Variants in PALS2 observed in about 807,000 individuals in gnomAD.
The protein encoded by PALS2 is protein PALS2.
In PALS2, 27 loss-of-function variants were observed where a neutral mutation model predicts 61.6. The ratio of observed to expected loss-of-function variants is 0.44; its 90% CI spans 0.32 to 0.60. PALS2 has a LOEUF of 0.60. Among genes scored for constraint, PALS2 ranks in the 20% least tolerant of loss-of-function variants. The pLI, the probability that PALS2 is intolerant of heterozygous loss-of-function variation, is 0.05. For synonymous variants in PALS2, 236 were observed against 218.6 expected, an observed-to-expected ratio of 1.08 and a Z score of -0.70; for missense variants, 554 against 639.4, an observed-to-expected ratio of 0.87 and a Z score of 1.44.
At chr7:24,601,367 G>A (rs546971074) in intron 1 of PALS2, among the ~76,000 whole-genome samples, 4 of 151,954 alleles carry the variant, frequency 2.6e-5, no homozygotes, top group East Asian at 1.9e-4. Flanking sequence ...ATTCAACCCC[G>A]AAATCTGTGC....
chr7:24,613,665 G>T (rs1784192060), intron 1 of PALS2, among the ~76,000 whole-genome samples: 1 of 151,710 alleles, frequency 6.6e-6, no homozygotes, highest in Non-Finnish European at 1.5e-5. Flanking sequence ...ACCTTATGGT[G>T]CTATAAAACA....
intron 11 of PALS2, among the ~76,000 whole-genome samples, chr7:24,680,753 G>C (rs982272530): frequency 5.9e-5 from 9 of 152,176 alleles, no homozygotes; most frequent in African/African-American, 2.2e-4. Flanking sequence ...GCGCTACCAG[G>C]CCTGGCTAAT....
chr7:24,655,289 A>G (rs1338602905), intron 5 of PALS2, among the ~76,000 whole-genome samples: 3 of 152,228 alleles, frequency 2.0e-5, no homozygotes, highest in Non-Finnish European at 4.4e-5. Context: ...AAAAGATTAC[A>G]TGCATATAGC....
At chr7:24,671,271 G>A (rs759458795) in intron 9 of PALS2, among the ~76,000 whole-genome samples, 3 of 152,094 alleles carry the variant, frequency 2.0e-5, no homozygotes, top group Admixed American at 6.6e-5. Context: ...TTTCCCTAAT[G>A]TCTGATCATG....
At chr7:24,626,131 A>T (rs1296713591) in intron 2 of PALS2, among the ~76,000 whole-genome samples, 5 of 152,204 alleles carry the variant, frequency 3.3e-5, no homozygotes, top group Non-Finnish European at 4.4e-5. Flanking sequence ...AGGGAAAAAA[A>T]CATGTAAAAT....
At chr7:24,639,328 C>CA (rs1408516967) in intron 2 of PALS2, among the ~76,000 whole-genome samples, 1 of 152,124 alleles carries the variant, frequency 6.6e-6, no homozygotes, top group Non-Finnish European at 1.5e-5. Flanking sequence ...AATGTGAACT[C>CA]ACGCAAATCA....
intron 3 of PALS2, among the ~76,000 whole-genome samples, chr7:24,642,357 T>C (rs1785601261): frequency 6.6e-6 from 1 of 152,180 alleles, no homozygotes; most frequent in Admixed American, 6.5e-5. Flanking sequence ...AGCAATGGCC[T>C]GTACCAATGA....
intron 1 of PALS2, among the ~76,000 whole-genome samples, chr7:24,605,950 A>G (rs1783883774): frequency 6.6e-6 from 1 of 152,162 alleles, no homozygotes; most frequent in South Asian, 2.1e-4. Flanking sequence ...TAGGTGAAAC[A>G]TGCTTGGCAT....
chr7:24,623,135 T>A (rs1013725256), intron 1 of PALS2, among the ~76,000 whole-genome samples: 11 of 152,010 alleles, frequency 7.2e-5, no homozygotes, highest in Admixed American at 7.2e-4. Flanking sequence ...TGTGTGATGT[T>A]GTTGGGTTTA....
chr7:24,599,196 G>A (rs186387510), intron 1 of PALS2, among the ~76,000 whole-genome samples: 3 of 152,204 alleles, frequency 2.0e-5, no homozygotes, highest in African/African-American at 7.2e-5. Context: ...TTGGCCTATT[G>A]TTCCTAGGCT....
intron 1 of PALS2, among the ~76,000 whole-genome samples, chr7:24,604,850 CAAA>C (rs781205158): frequency 6.6e-6 from 1 of 152,182 alleles, no homozygotes; most frequent in Non-Finnish European, 1.5e-5. Flanking sequence ...GGGAGGGACA[CAAA>C]CGCCTAGGCC....
chr7:24,676,369 C>T (rs917153119), intron 9 of PALS2, among the ~76,000 whole-genome samples: 1 of 151,336 alleles, frequency 6.6e-6, no homozygotes, highest in Non-Finnish European at 1.5e-5. Flanking sequence ...TGCAGAAGCT[C>T]TTTAGTTTAA....
At chr7:24,680,558 C>G (rs1206330910) in intron 11 of PALS2, 38 bp downstream of exon 11, 1 of 1,587,754 alleles carries the variant, frequency 6.3e-7, no homozygotes, top group Admixed American at 1.8e-5. Context: ...AAAATCTTTC[C>G]TTTTCTTTTG....
At chr7:24,609,652 C>T (rs1302107292) in intron 1 of PALS2, among the ~76,000 whole-genome samples, 3 of 152,074 alleles carry the variant, frequency 2.0e-5, no homozygotes, top group East Asian at 1.9e-4. Context: ...TCCTCCATCC[C>T]TCCTCCTCTA....
At position 24,689,946 on chromosome 7, in the gene PALS2, A is replaced by AT. The variant is rs983373493; in HGVS notation, c.*2335dup. 2 of 152,246 alleles carry AT rather than the reference A, an allele frequency of 1.3e-5. No individual in the cohort carries two copies. The highest frequency in any genetic ancestry group is 4.8e-5 in the African/African-American group (2 of 41,454). 9.4% of individuals were successfully genotyped at this position (152,246 alleles called of 1,614,324 possible). A position where few individuals can be genotyped will look rare whatever the true frequency, so the allele number is the denominator to read the frequency against. On this transcript the variant is annotated 3_prime_UTR_variant, in exon 12 of 12. Coordinates refer to ENST00000222644, the MANE Select transcript of PALS2 (RefSeq NM_001303037.2). ...AGCACAAGAAGTTTATCTGCAAAAT[A>AT]TTTCAATCATCTTGGTACAATAGAT...
Position 24,666,018 on chromosome 7 carries a change from C to T in PALS2, c.884-3C>T. Reference sequence around the variant, plus strand: ...AAGTTATATTTGTTTTATCATCCTTCAGGACCTTTTTGTGGAACTATAAGT... The same window carrying T: ...AAGTTATATTTGTTTTATCATCCTTTAGGACCTTTTTGTGGAACTATAAGT... On this transcript the variant is annotated splice_region_variant and splice_polypyrimidine_tract_variant and intron_variant, in intron 7 of 11. Coordinates refer to ENST00000222644, the MANE Select transcript of PALS2 (RefSeq NM_001303037.2). The T allele has an allele frequency of 6.2e-7, 1 of 1,606,256 alleles. No homozygotes were observed. Among genetic ancestry groups the T allele is most frequent in the Non-Finnish European group, 8.5e-7 (1 of 1,173,926 alleles).
chr7:24,663,045 G>C (rs914268861), intron 5 of PALS2, among the ~76,000 whole-genome samples: 1 of 152,042 alleles, frequency 6.6e-6, no homozygotes, highest in Non-Finnish European at 1.5e-5. Flanking sequence ...ATTTAATGTT[G>C]ATCATTTAAA....
chr7:24,611,021 C>T (rs1396555274), intron 1 of PALS2, among the ~76,000 whole-genome samples: 1 of 151,996 alleles, frequency 6.6e-6, no homozygotes, highest in Non-Finnish European at 1.5e-5. Context: ...GGGTGTGAAC[C>T]TATCACCTAA....
intron 9 of PALS2, among the ~76,000 whole-genome samples, chr7:24,670,932 G>A (rs1206083731): frequency 1.3e-5 from 2 of 152,112 alleles, no homozygotes; most frequent in Admixed American, 1.3e-4. Context: ...TTCATCAGTT[G>A]ATGGACATTT....
Sources: gnomAD v4.1 joint callset for allele counts (sites outside exome capture counted in the v4.1 genomes callset) on GRCh38, gnomAD v4.1.1 for gene constraint, MANE v1.5 for transcripts, NCBI Gene and HGNC (gene_info 2026-07-23, HGNC 2026-07-21) for gene names.